CASZ1: variants seen among roughly 807,000 people sequenced by gnomAD.
The protein encoded by CASZ1 is zinc finger protein castor homolog 1.
A neutral mutation model predicts 135.2 loss-of-function variants in CASZ1; 28 were observed. The ratio of observed to expected loss-of-function variants is 0.21; its 90% CI spans 0.15 to 0.28. The LOEUF is 0.28. Ranked by LOEUF, CASZ1 falls within the 10% of genes least tolerant of loss-of-function variation. The pLI, the probability that CASZ1 is intolerant of heterozygous loss-of-function variation, is 1.00. For synonymous variants in CASZ1, 1,068 were observed against 1,073.4 expected, an observed-to-expected ratio of 0.99 and a Z score of 0.10; for missense variants, 2,161 against 2,453.3, an observed-to-expected ratio of 0.88 and a Z score of 2.52.
At position 10,701,381 on chromosome 1, in the gene CASZ1, T is replaced by A. The variant is rs1639056782; in HGVS notation, c.-24+4111A>T. On this transcript the variant is annotated intron_variant, in intron 3 of 20. Transcript: ENST00000377022. This position sits in a 1 kb window ranked among gnomAD's most constrained non-coding sequence, Gnocchi z 6.3. ...TACAGGGTTATTTAGCTTCTCCTGA[T>A]GCTGACAATCACAAACTTTAATTCG... Among the ~76,000 whole-genome samples the A allele has an allele frequency of 6.6e-6, 1 of 152,248 alleles. No individual in the cohort carries two copies. Among genetic ancestry groups the A allele is most frequent in the East Asian group, 1.9e-4 (1 of 5,200 alleles).
At chr1:10,660,659 C>T (rs1375859745) in intron 5 of CASZ1, 123 bp from the exon 6 acceptor site, 7 of 674,636 alleles carry the variant, frequency 1.0e-5, no homozygotes, top group East Asian at 2.7e-5. Context: ...GAGCAGGACA[C>T]GATCTATGGA....
Position 10,659,930 on chromosome 1 carries a change from C to A in CASZ1, c.1112G>T (p.Gly371Val), listed in dbSNP as rs775415782. ...CCGGACGTCGTACTTGGAAGGGCGCCCCACCTTGCCTGTCTTGAAGGCGAT... is the reference window on the plus strand; with the variant it reads ...CCGGACGTCGTACTTGGAAGGGCGCACCACCTTGCCTGTCTTGAAGGCGAT... ...GAIAFKTGKV[G>V]RPSKYDVRGI... is the part of the protein sequence containing the mutation. The change falls in exon 6 of 21, where the codon GGG (glycine) becomes GTG (valine). Residue 371 changes from glycine to valine, a missense_variant. By Grantham distance (109) the Gly-to-Val change is moderately radical. Transcript: ENST00000377022. 6 of 1,612,150 alleles carry A rather than the reference C, an allele frequency of 3.7e-6. No homozygotes were observed. The highest frequency in any genetic ancestry group is 5.1e-6 in the Non-Finnish European group (6 of 1,179,830).
intron 2 of CASZ1, among the ~76,000 whole-genome samples, chr1:10,716,981 CT>C (rs957057403): frequency 6.6e-6 from 1 of 152,176 alleles, no homozygotes; most frequent in Non-Finnish European, 1.5e-5. Flanking sequence ...AAGGCTGCCC[CT>C]GCCTTCACCA....
chr1:10,680,438 C>G (rs1387511437), intron 4 of CASZ1, among the ~76,000 whole-genome samples: 1 of 152,182 alleles, frequency 6.6e-6, no homozygotes, highest in African/African-American at 2.4e-5. Context: ...CAAATCCTCT[C>G]CTCCTGGCTT....
intron 4 of CASZ1, among the ~76,000 whole-genome samples, chr1:10,671,148 T>C: frequency 6.6e-6 from 1 of 152,178 alleles, no homozygotes; most frequent in East Asian, 1.9e-4. Flanking sequence ...GTGGCCTCAC[T>C]TAGCGTAAGT....
intron 2 of CASZ1, among the ~76,000 whole-genome samples, chr1:10,740,973 A>AAAAAAAAAAAAAG (rs1553138434): frequency 2.0e-4 from 26 of 131,288 alleles, no homozygotes; most frequent in Non-Finnish European, 3.0e-4. Context: ...AAAAAAAAAA[A>AAAAAAAAAAAAAG]AAAAGAAAAA....
chr1:10,639,713 G>T lies in CASZ1; in HGVS notation c.4509C>A (p.Phe1503Leu), dbSNP rs957169851. 3.8e-6 allele frequency: 6 copies of T among 1,593,128 alleles called. No individual in the cohort carries two copies. In the African/African-American group the frequency reaches 5.4e-5, roughly 14 times the overall value. ...TGGTGCCCGAGAAGGGGCAGTCGGC[G>T]AAGTGGCAGCTGAGTGAGGCCTTGA... is the stretch of plus-strand genomic sequence containing the variant. ...KRFKASLSCH[F>L]ADCPFSGTST... Residue 1503 changes from phenylalanine to leucine, a missense_variant, in exon 21 of 21, where the codon TTC becomes TTA. By Grantham distance (22) the Phe-to-Leu change is conservative. Transcript: ENST00000377022. The surrounding 1 kb of genome is among the most constrained non-coding windows in gnomAD (Gnocchi z 4.0).
intron 5 of CASZ1, among the ~76,000 whole-genome samples, chr1:10,662,151 C>T (rs534291718): frequency 6.6e-6 from 1 of 150,522 alleles, no homozygotes; most frequent in Non-Finnish European, 1.5e-5. Flanking sequence ...ACTCACACAC[C>T]TACACACAGT....
intron 11 of CASZ1, chr1:10,652,028 C>T (rs1642607189): frequency 6.6e-6 from 1 of 152,288 alleles, no homozygotes; most frequent in South Asian, 2.1e-4. Context: ...GAGGCGGTCC[C>T]TCCACGCGGC....
chr1:10,716,037 ACCCACAGCACCCAATCCGCAC>A (rs1287859641), intron 2 of CASZ1, among the ~76,000 whole-genome samples: 13 of 14,264 alleles, frequency 9.1e-4, no homozygotes, highest in Admixed American at 6.4e-3. Flanking sequence ...CCAATCCACA[ACCCACAGCACCCAATCCGCAC>A]CCCACAGCAC....
intron 1 of CASZ1, among the ~76,000 whole-genome samples, chr1:10,784,088 TA>T (rs1390010242): frequency 6.6e-6 from 1 of 152,068 alleles, no homozygotes; most frequent in African/African-American, 2.4e-5. Context: ...ACAAAGGTCC[TA>T]AGTGGGAAAA....
chr1:10,709,174 T>G lies in CASZ1; in HGVS notation c.-76-3630A>C, dbSNP rs986532674. 6.6e-6 allele frequency among the ~76,000 whole-genome samples: 1 copy of G among 152,098 alleles called. No homozygotes were observed. The highest frequency in any genetic ancestry group is 1.5e-5 in the Non-Finnish European group (1 of 68,006). ...CCACAGCTGCCCAGCTCCATATTTATGAAGCACCAGGCCAGGCTCCTCGGC... is the reference window on the plus strand; with the variant it reads ...CCACAGCTGCCCAGCTCCATATTTAGGAAGCACCAGGCCAGGCTCCTCGGC... On this transcript the variant is annotated intron_variant, in intron 2 of 20. Transcript: ENST00000377022. The surrounding 1 kb of genome is among the most constrained non-coding windows in gnomAD (Gnocchi z 5.1).
chr1:10,655,936 G>A, intron 8 of CASZ1, 123 bp from the exon 9 acceptor site: 1 of 937,548 alleles, frequency 1.1e-6, no homozygotes, highest in Non-Finnish European at 1.6e-6. Context: ...CCCTGCTTGG[G>A]GTCAAGGCAG....
At chr1:10,743,782 G>A (rs1232552021) in intron 2 of CASZ1, among the ~76,000 whole-genome samples, 1 of 151,272 alleles carries the variant, frequency 6.6e-6, no homozygotes, top group Admixed American at 6.6e-5. Flanking sequence ...GGGAGGGCAG[G>A]CGGGATGGGA....
rs1640274379 is a variant in CASZ1, at chr1:10,757,117, A to G, written c.-77+3584T>C. On this transcript the variant is annotated intron_variant, in intron 2 of 20. Coordinates refer to ENST00000377022, the MANE Select transcript of CASZ1 (RefSeq NM_001079843.3). This position sits in a 1 kb window ranked among gnomAD's most constrained non-coding sequence, Gnocchi z 4.6. Reference sequence around the variant, plus strand: ...CTCCGCAAGGAGCCCGACCCACTCAAACGAGCCTTTCTCAGCACCCAGCAT... The same window carrying G: ...CTCCGCAAGGAGCCCGACCCACTCAGACGAGCCTTTCTCAGCACCCAGCAT... 6.6e-6 allele frequency among the ~76,000 whole-genome samples: 1 copy of G among 152,116 alleles called. No individual in the cohort carries two copies. The highest frequency in any genetic ancestry group is 1.5e-5 in the Non-Finnish European group (1 of 68,010).
chr1:10,779,015 G>A (rs1438160500), intron 1 of CASZ1, among the ~76,000 whole-genome samples: 1 of 152,174 alleles, frequency 6.6e-6, no homozygotes, highest in Non-Finnish European at 1.5e-5. Flanking sequence ...AAGAAGCGAA[G>A]GAATCAACCC....
chr1:10,650,467 A>T (rs891027800), intron 13 of CASZ1: 3 of 432,736 alleles, frequency 6.9e-6, no homozygotes, highest in Non-Finnish European at 8.1e-6. Flanking sequence ...AGGGAAAAAA[A>T]GGTGTCAGAG....
rs1447212834 is a variant in CASZ1, at chr1:10,657,042, T to C, written c.1410-306A>G. Among the ~76,000 whole-genome samples, 1 of 152,108 alleles carries C rather than the reference T, an allele frequency of 6.6e-6. No individual in the cohort carries two copies. ...AGGCGCCCCCTCGGCTGCCCACCTGTCTTTTCTGCAGGGGCTACCTGCCCC... is the reference window on the plus strand; with the variant it reads ...AGGCGCCCCCTCGGCTGCCCACCTGCCTTTTCTGCAGGGGCTACCTGCCCC... On this transcript the variant is annotated intron_variant, in intron 7 of 20. Coordinates refer to ENST00000377022, the MANE Select transcript of CASZ1 (RefSeq NM_001079843.3). The surrounding 1 kb of genome is among the most constrained non-coding windows in gnomAD (Gnocchi z 5.7).
Position 10,639,094 on chromosome 1 carries a change from C to G in CASZ1, c.5128G>C (p.Asp1710His). ...TCGGTGCGCAGGTCCTCGTCGTCGT[C>G]GTCCTCGTCGTCGTCCTCGTCGTCG... Reference protein sequence around the residue: ...DDDDEDDDEDDDDEDLRTDSE... With the variant: ...DDDDEDDDEDHDDEDLRTDSE... The change falls in exon 21 of 21, where the codon GAC becomes CAC. Residue 1710 changes from aspartate (D) to histidine (H), a missense_variant. Asp to His is a moderately conservative substitution (Grantham distance 81). Coordinates refer to ENST00000377022, the MANE Select transcript of CASZ1 (RefSeq NM_001079843.3). The surrounding 1 kb of genome is among the most constrained non-coding windows in gnomAD (Gnocchi z 4.0). 8.8e-7 allele frequency: 1 copy of G among 1,135,270 alleles called. No homozygotes were observed. The highest frequency in any genetic ancestry group is 1.1e-6 in the Non-Finnish European group (1 of 899,406). 70.3% of individuals were successfully genotyped at this position (1,135,270 alleles called of 1,614,324 possible).
Sources: gnomAD v4.1 joint callset for allele counts (sites outside exome capture counted in the v4.1 genomes callset) on GRCh38, gnomAD v4.1.1 for gene constraint, Gnocchi (gnomAD v3.1) non-coding constraint, MANE v1.5 for transcripts, NCBI Gene and HGNC (gene_info 2026-07-23, HGNC 2026-07-21) for gene names.